The following SCFD2 variants were observed in gnomAD, a reference collection of about 807,000 sequenced individuals.
SCFD2 encodes the protein sec1 family domain-containing protein 2.
SCFD2 carries 54 observed loss-of-function variants against 58.9 expected under a neutral mutation model. That is an observed-to-expected ratio of 0.92 (90% CI 0.74 to 1.15). The LOEUF (loss-of-function observed/expected upper bound fraction) is 1.15. Among genes scored for constraint, SCFD2 ranks in the 50% most tolerant of loss-of-function variants. The probability of loss-of-function intolerance (pLI) is 0.00; values close to 1 mark genes in which losing one functional copy is unlikely to be tolerated. For synonymous variants in SCFD2, 321 were observed against 335.9 expected (o/e 0.96, Z 0.49); for missense variants, 805 against 836.6 (o/e 0.96, Z 0.47).
At chr4:53,114,071 G>C (rs141892781) in intron 5 of SCFD2, among the ~76,000 whole-genome samples, 3 of 152,174 alleles carry the variant, frequency 2.0e-5, no homozygotes, top group South Asian at 4.2e-4. Flanking sequence ...TGTGACCTTG[G>C]TCAAATTACT....
chr4:53,250,214 A>G (rs1247385413), intron 4 of SCFD2, among the ~76,000 whole-genome samples: 1 of 152,248 alleles, frequency 6.6e-6, no homozygotes, highest in Non-Finnish European at 1.5e-5. Flanking sequence ...AGGCCGTTAC[A>G]TAATGCTAAA....
intron 8 of SCFD2, among the ~76,000 whole-genome samples, chr4:52,877,587 T>C (rs1199832990): frequency 6.6e-6 from 1 of 152,244 alleles, no homozygotes; most frequent in Non-Finnish European, 1.5e-5. Flanking sequence ...AGGATCAATG[T>C]GAACATCTTC....
At chr4:53,271,952 C>T (rs1418011078) in intron 4 of SCFD2, among the ~76,000 whole-genome samples, 4 of 152,156 alleles carry the variant, frequency 2.6e-5, no homozygotes, top group Non-Finnish European at 5.9e-5. Context: ...GCAATCTACT[C>T]ATCTGACAAA....
intron 2 of SCFD2, among the ~76,000 whole-genome samples, chr4:53,329,459 T>A (rs1157702131): frequency 2.6e-5 from 4 of 151,200 alleles, no homozygotes; most frequent in African/African-American, 7.3e-5. Flanking sequence ...GCAGCCTAAC[T>A]GGGAGGCACC....
At chr4:53,248,647 C>A (rs1475601755) in intron 4 of SCFD2, among the ~76,000 whole-genome samples, 1 of 152,204 alleles carries the variant, frequency 6.6e-6, no homozygotes, top group Non-Finnish European at 1.5e-5. Context: ...TGGGAGACAC[C>A]CCCCAGTAGG....
chr4:53,355,184 C>T (rs893985969), intron 1 of SCFD2, among the ~76,000 whole-genome samples: 2 of 152,152 alleles, frequency 1.3e-5, no homozygotes, highest in Admixed American at 1.3e-4. Flanking sequence ...ACATATATTC[C>T]GTTAGTTCTG....
At chr4:53,160,243 G>A (rs112849656) in intron 4 of SCFD2, among the ~76,000 whole-genome samples, 7 of 152,326 alleles carry the variant, frequency 4.6e-5, no homozygotes, top group African/African-American at 1.7e-4. Context: ...GAGGTTCTGA[G>A]CACAGAACTG....
intron 3 of SCFD2, among the ~76,000 whole-genome samples, chr4:53,299,425 C>G (rs1195625799): frequency 2.0e-5 from 3 of 152,110 alleles, no homozygotes; most frequent in Admixed American, 6.6e-5. Flanking sequence ...AACAAAGCCT[C>G]CAAGAAATAT....
At chr4:52,883,725 A>G (rs556928657) in intron 8 of SCFD2, among the ~76,000 whole-genome samples, 1 of 152,362 alleles carries the variant, frequency 6.6e-6, no homozygotes, top group East Asian at 1.9e-4. Flanking sequence ...TGATGAAAAA[A>G]GAAAAGAGGT....
chr4:53,250,797 G>C (rs1012267617), intron 4 of SCFD2, among the ~76,000 whole-genome samples: 29 of 152,178 alleles, frequency 1.9e-4, no homozygotes, highest in Non-Finnish European at 1.5e-4. Flanking sequence ...AAGCAGGAAA[G>C]ATCTAAAATT....
chr4:53,167,148 T>C (rs1242669157), intron 4 of SCFD2, among the ~76,000 whole-genome samples: 1 of 152,172 alleles, frequency 6.6e-6, no homozygotes, highest in Non-Finnish European at 1.5e-5. Flanking sequence ...AATACCCAAT[T>C]CATATGTCCC....
chr4:52,962,518 C>CAT (rs1314071342), intron 5 of SCFD2, among the ~76,000 whole-genome samples: 1 of 152,176 alleles, frequency 6.6e-6, no homozygotes, highest in Non-Finnish European at 1.5e-5. Flanking sequence ...GAAGGTAGCA[C>CAT]ATTTAAGAAG....
At chr4:53,127,808 C>T (rs1454357187) in intron 5 of SCFD2, among the ~76,000 whole-genome samples, 1 of 152,158 alleles carries the variant, frequency 6.6e-6, no homozygotes, top group African/African-American at 2.4e-5. Flanking sequence ...AAATGACCTT[C>T]TGCTGCTCTG....
chr4:53,200,146 C>G (rs1728184982), intron 4 of SCFD2, among the ~76,000 whole-genome samples: 2 of 152,060 alleles, frequency 1.3e-5, no homozygotes, highest in Non-Finnish European at 2.9e-5. Context: ...CGGGTTTTGG[C>G]AGAACACAAT....
chr4:53,047,008 T>C lies in SCFD2; in HGVS notation c.1561+98325A>G, dbSNP rs569067037. ...TTTTTGTGATGTGTGTAGTAATTATTTTCCCAAGTTTTGACTTCTTTTCAT... is the reference window on the plus strand; with the variant it reads ...TTTTTGTGATGTGTGTAGTAATTATCTTCCCAAGTTTTGACTTCTTTTCAT... On this transcript the variant is annotated intron_variant, in intron 5 of 8. Transcript: ENST00000401642. 9.8e-5 allele frequency among the ~76,000 whole-genome samples: 15 copies of C among 152,294 alleles called. No individual in the cohort carries two copies. In the East Asian group the frequency reaches 1.7e-3, roughly 18 times the overall value.
chr4:53,313,796 A>G, intron 2 of SCFD2, 33 bp from the exon 3 acceptor site: 2 of 1,611,776 alleles, frequency 1.2e-6, no homozygotes, highest in Non-Finnish European at 1.7e-6. Flanking sequence ...GCTTTAGAAT[A>G]AATTTCTACT....
intron 3 of SCFD2, among the ~76,000 whole-genome samples, chr4:53,286,595 C>G (rs933621571): frequency 4.6e-5 from 7 of 152,072 alleles, no homozygotes; most frequent in Non-Finnish European, 8.8e-5. Context: ...GGGCCCTGGC[C>G]CAGCAGAGCA....
intron 2 of SCFD2, among the ~76,000 whole-genome samples, chr4:53,319,312 T>C (rs1732956088): frequency 6.6e-6 from 1 of 152,238 alleles, no homozygotes; most frequent in Non-Finnish European, 1.5e-5. Context: ...GTCACTTGGC[T>C]ACACAATGCT....
At chr4:52,972,280 T>A (rs953331585) in intron 5 of SCFD2, among the ~76,000 whole-genome samples, 2 of 152,140 alleles carry the variant, frequency 1.3e-5, no homozygotes, top group African/African-American at 2.4e-5. Flanking sequence ...CCATCTCATG[T>A]GCAGAGACAC....
Sources: allele counts gnomAD v4.1 joint callset (sites outside exome capture counted in the v4.1 genomes callset), GRCh38; gene constraint gnomAD v4.1.1; transcripts MANE v1.5; gene names NCBI Gene and HGNC (gene_info 2026-07-23, HGNC 2026-07-21).